ANKRD6: variants seen among roughly 807,000 people sequenced by gnomAD.
ANKRD6 encodes the protein ankyrin repeat domain-containing protein 6.
In ANKRD6, 56 loss-of-function variants were observed where a neutral mutation model predicts 82.3. The observed-to-expected ratio is 0.68, with a 90% CI of 0.55 to 0.85. The LOEUF (loss-of-function observed/expected upper bound fraction) is 0.85. Ranked by LOEUF, ANKRD6 falls within the 40% of genes least tolerant of loss-of-function variation. ANKRD6 has a pLI of 0.00. For missense variants in ANKRD6, 852 were observed against 907.6 expected (o/e 0.94, Z 0.79); for synonymous variants, 347 against 352.1 (o/e 0.99, Z 0.16).
intron 1 of ANKRD6, among the ~76,000 whole-genome samples, chr6:89,510,485 A>C (rs1780401219): frequency 6.6e-6 from 1 of 152,086 alleles, no homozygotes; most frequent in Admixed American, 6.6e-5. Flanking sequence ...TTGAGATGGA[A>C]AGTTCTGTTT....
chr6:89,594,850 C>T (rs1237014815), intron 2 of ANKRD6, among the ~76,000 whole-genome samples: 2 of 152,090 alleles, frequency 1.3e-5, no homozygotes, highest in Non-Finnish European at 2.9e-5. Flanking sequence ...TCAAGTGATC[C>T]TCACACCTTA....
At position 89,631,209 on chromosome 6, in the gene ANKRD6, G is replaced by A; in HGVS notation, c.*205G>A. The A allele has an allele frequency of 2.1e-6, 2 of 966,152 alleles. No homozygotes were observed. The highest frequency in any genetic ancestry group is 2.8e-6 in the Non-Finnish European group (2 of 719,864). 59.8% of individuals were successfully genotyped at this position (966,152 alleles called of 1,614,324 possible). A position where few individuals can be genotyped will look rare whatever the true frequency, so the allele number is the denominator to read the frequency against. On this transcript the variant is annotated 3_prime_UTR_variant, in exon 16 of 16. Transcript: ENST00000339746. ...AACAATTAAACTGAAACCAGGGGAA[G>A]CTTGCTTAGTTTTGGGTTTCATTAT...
intron 1 of ANKRD6, among the ~76,000 whole-genome samples, chr6:89,498,272 TATCTC>T (rs1305333723): frequency 2.0e-5 from 3 of 152,328 alleles, no homozygotes; most frequent in East Asian, 1.9e-4. Flanking sequence ...CATTTGTACT[TATCTC>T]ATTCTTTTCT....
intron 1 of ANKRD6, among the ~76,000 whole-genome samples, chr6:89,533,388 AT>A (rs904453411): frequency 1.3e-5 from 2 of 152,120 alleles, no homozygotes; most frequent in African/African-American, 4.8e-5. Flanking sequence ...GTATTATCCT[AT>A]TTGACAACTT....
chr6:89,454,415 G>C lies in ANKRD6; in HGVS notation c.-144+21040G>C, dbSNP rs578074998. Among the ~76,000 whole-genome samples the C allele has an allele frequency of 4.6e-5, 7 of 152,228 alleles. 1 individual carries two copies. In the South Asian group the frequency reaches 1.4e-3, roughly 32 times the overall value. On this transcript the variant is annotated intron_variant, in intron 1 of 15. Transcript: ENST00000339746. The stretch of plus-strand genomic sequence containing the variant: ...GTAAAAGTTATGTGGGTTTATCCCT[G>C]GGAGATCAGGAAGCAACACAGATAC...
intron 5 of ANKRD6, among the ~76,000 whole-genome samples, chr6:89,606,473 G>T (rs1226564657): frequency 2.6e-5 from 4 of 152,158 alleles, no homozygotes; most frequent in Admixed American, 6.5e-5. Context: ...AATTAGTAAA[G>T]TGGGCTCCCC....
At position 89,588,697 on chromosome 6, in the gene ANKRD6, T is replaced by C. The variant is rs1344937234; in HGVS notation, c.121-7219T>C. Among the ~76,000 whole-genome samples the C allele has an allele frequency of 2.6e-5, 4 of 152,192 alleles. No individual in the cohort carries two copies. The East Asian group carries it at 7.7e-4, about 29-fold the overall frequency. On this transcript the variant is annotated intron_variant, in intron 2 of 15. Transcript: ENST00000339746. ...TTGGCTTCTGCCCCAGGTCTCCTTT[T>C]GACTCTGGTCATAAGAATATCATTG...
intron 2 of ANKRD6, among the ~76,000 whole-genome samples, chr6:89,591,123 G>A (rs4707553): frequency 0.65 from 98,675 of 151,344 alleles, 34,200 homozygotes; most frequent in Non-Finnish European, 0.79. Context: ...CTTTTTTTAA[G>A]GAGAAGGTCT....
intron 1 of ANKRD6, among the ~76,000 whole-genome samples, chr6:89,434,209 C>G (rs1379092543): frequency 6.6e-6 from 1 of 152,168 alleles, no homozygotes; most frequent in Non-Finnish European, 1.5e-5. Context: ...GTTTTTAGAA[C>G]TCTAAACTGC....
chr6:89,524,554 C>G (rs1782238392), intron 1 of ANKRD6, among the ~76,000 whole-genome samples: 1 of 152,090 alleles, frequency 6.6e-6, no homozygotes. Flanking sequence ...TATTTTATGT[C>G]CAAGTAGTAT....
intron 1 of ANKRD6, among the ~76,000 whole-genome samples, chr6:89,508,001 G>A (rs536686646): frequency 2.0e-4 from 31 of 152,208 alleles, no homozygotes; most frequent in East Asian, 1.2e-3. Context: ...ATACAGCAAA[G>A]CTGACTTTTA....
chr6:89,449,780 A>G (rs996797374), intron 1 of ANKRD6, among the ~76,000 whole-genome samples: 1 of 152,178 alleles, frequency 6.6e-6, no homozygotes, highest in Non-Finnish European at 1.5e-5. Context: ...GTGGCTTGCC[A>G]TTGTGCATCT....
intron 1 of ANKRD6, among the ~76,000 whole-genome samples, chr6:89,471,457 G>A (rs1775460749): frequency 6.6e-6 from 1 of 151,908 alleles, no homozygotes; most frequent in Non-Finnish European, 1.5e-5. Context: ...GACTGGATGG[G>A]ACCCCTAGAG....
intron 1 of ANKRD6, among the ~76,000 whole-genome samples, chr6:89,439,074 A>G (rs1412965955): frequency 1.3e-5 from 2 of 152,216 alleles, no homozygotes; most frequent in African/African-American, 4.8e-5. Context: ...CTATACAGGA[A>G]ACAAATGTAT....
chr6:89,511,325 C>T (rs990384786), intron 1 of ANKRD6, among the ~76,000 whole-genome samples: 11 of 152,240 alleles, frequency 7.2e-5, no homozygotes, highest in African/African-American at 2.7e-4. Flanking sequence ...GAGATTCCTG[C>T]TCCTGCTCTG....
At chr6:89,545,530 G>A (rs1311401512) in intron 1 of ANKRD6, among the ~76,000 whole-genome samples, 1 of 152,174 alleles carries the variant, frequency 6.6e-6, no homozygotes, top group Non-Finnish European at 1.5e-5. Flanking sequence ...GTTTGTACAA[G>A]CCTTCTCTAT....
intron 1 of ANKRD6, among the ~76,000 whole-genome samples, chr6:89,501,808 T>C (rs1451379459): frequency 6.6e-6 from 1 of 152,006 alleles, no homozygotes; most frequent in Admixed American, 6.6e-5. Context: ...ATTTAGAAGG[T>C]GTCGTGGTGC....
At chr6:89,567,999 A>G (rs1356857233) in intron 2 of ANKRD6, 2 of 152,084 alleles carry the variant, frequency 1.3e-5, no homozygotes, top group African/African-American at 4.8e-5. Flanking sequence ...GTCAGCTCCT[A>G]TTTTCATGTT....
intron 1 of ANKRD6, among the ~76,000 whole-genome samples, chr6:89,556,169 CA>C (rs1343127960): frequency 1.3e-5 from 2 of 152,244 alleles, no homozygotes; most frequent in African/African-American, 4.8e-5. Context: ...TGTCTGTTCT[CA>C]ACCTTTGCCA....
Sources: allele counts gnomAD v4.1 joint callset (sites outside exome capture counted in the v4.1 genomes callset), GRCh38; gene constraint gnomAD v4.1.1; transcripts MANE v1.5; gene names NCBI Gene and HGNC (gene_info 2026-07-23, HGNC 2026-07-21).